BANK1: variants seen among roughly 807,000 people sequenced by gnomAD.
BANK1 encodes the protein B cell scaffold protein with ankyrin repeats 1.
BANK1 carries 95 observed loss-of-function variants against 94.5 expected under a neutral mutation model. The ratio of observed to expected loss-of-function variants is 1.00; its 90% CI spans 0.85 to 1.19. The LOEUF (loss-of-function observed/expected upper bound fraction) is 1.19. BANK1 is among the 50% of genes most tolerant of loss of function. The pLI is 0.00. For missense variants in BANK1, 987 were observed against 932.2 expected (o/e 1.06, Z -0.77); for synonymous variants, 334 against 308.4 (o/e 1.08, Z -0.87).
intron 6 of BANK1, among the ~76,000 whole-genome samples, chr4:101,907,906 G>C (rs1722512604): frequency 6.6e-6 from 1 of 152,222 alleles, no homozygotes; most frequent in East Asian, 1.9e-4. Flanking sequence ...AAATAAAAGA[G>C]GACACAAACA....
intron 12 of BANK1, among the ~76,000 whole-genome samples, chr4:102,060,610 A>G (rs1728386774): frequency 6.6e-6 from 1 of 152,202 alleles, no homozygotes; most frequent in Admixed American, 6.5e-5. Flanking sequence ...ACCAAAGCTA[A>G]TACCTAATCA....
chr4:101,870,766 C>A, intron 5 of BANK1, 122 bp downstream of exon 5: 2 of 1,158,340 alleles, frequency 1.7e-6, no homozygotes, highest in South Asian at 2.0e-5. Flanking sequence ...TACTACCAAT[C>A]AATAGGAAGG....
intron 2 of BANK1, among the ~76,000 whole-genome samples, chr4:101,836,929 C>T (rs943356923): frequency 5.9e-5 from 9 of 152,152 alleles, no homozygotes; most frequent in Non-Finnish European, 1.2e-4. Context: ...ACTGTATCTC[C>T]GTGCCCATTT....
chr4:101,834,815 T>C (rs1471202860), intron 2 of BANK1, among the ~76,000 whole-genome samples: 4 of 152,150 alleles, frequency 2.6e-5, no homozygotes, highest in African/African-American at 9.6e-5. Context: ...ATGGAAATAA[T>C]TAAATGTTCT....
At chr4:101,808,686 G>A (rs944739156) in intron 1 of BANK1, among the ~76,000 whole-genome samples, 3 of 151,950 alleles carry the variant, frequency 2.0e-5, no homozygotes, top group Admixed American at 1.3e-4. Flanking sequence ...TCAAAAAGGG[G>A]GCAAAGGACA....
At chr4:101,952,900 C>A (rs1578417643) in intron 7 of BANK1, among the ~76,000 whole-genome samples, 1 of 152,126 alleles carries the variant, frequency 6.6e-6, no homozygotes, top group East Asian at 1.9e-4. Flanking sequence ...TGAAACAAAA[C>A]CAGTAATTTT....
chr4:101,977,192 T>C (rs1725164274), intron 7 of BANK1: 1 of 152,124 alleles, frequency 6.6e-6, no homozygotes, highest in South Asian at 2.1e-4. Context: ...GGGCTTCTGC[T>C]CATCATAATC....
chr4:101,852,502 A>ATG (rs1727525613), intron 2 of BANK1, among the ~76,000 whole-genome samples: 1 of 76,348 alleles, frequency 1.3e-5, no homozygotes, highest in Non-Finnish European at 3.0e-5. Flanking sequence ...ATATATATAT[A>ATG]TACACACACA....
rs1221148323 is a variant in BANK1, at chr4:101,855,183, A to G, written c.618A>G (p.Pro206=). 26 of 1,612,746 alleles carry G rather than the reference A, an allele frequency of 1.6e-5. No individual in the cohort carries two copies. Among genetic ancestry groups the G allele is most frequent in the Non-Finnish European group, 2.1e-5 (25 of 1,179,144 alleles). ...CAGTGGTGCTTCCCACTGAAATTCC[A>G]TGTGAGGTCAGTAAAGATACCTTGT... ...PLAVVLPTEI[P]CENPGEIFII... is the part of the protein sequence containing the mutation. The change falls in exon 3 of 17, where the codon CCA becomes CCG. Residue 206 remains proline, a synonymous_variant. Coordinates refer to ENST00000322953, the MANE Select transcript of BANK1 (RefSeq NM_017935.5).
At chr4:101,887,604 A>G (rs531613872) in intron 5 of BANK1, among the ~76,000 whole-genome samples, 25 of 152,326 alleles carry the variant, frequency 1.6e-4, no homozygotes, top group African/African-American at 5.8e-4. Context: ...TTCATAGCTA[A>G]TGAGTCCTGG....
chr4:102,063,170 A>G (rs1162134660), intron 13 of BANK1, 32 bp downstream of exon 13: 4 of 1,574,298 alleles, frequency 2.5e-6, no homozygotes, highest in Admixed American at 3.4e-5. Context: ...TTCAAAAATA[A>G]TAGAGTGATT....
chr4:102,018,110 G>C, intron 7 of BANK1, among the ~76,000 whole-genome samples: 1 of 152,010 alleles, frequency 6.6e-6, no homozygotes, highest in East Asian at 1.9e-4. Flanking sequence ...TTCAAGTTTT[G>C]TTTTTGAAAA....
At position 101,870,486 on chromosome 4, in the gene BANK1, CTTGT is replaced by C. The variant is rs1728241347; in HGVS notation, c.764-12_764-9del. The C allele has an allele frequency of 6.2e-7, 1 of 1,606,354 alleles. No homozygotes were observed. Among genetic ancestry groups the C allele is most frequent in the Non-Finnish European group, 8.5e-7 (1 of 1,176,236 alleles). On this transcript the variant is annotated splice_polypyrimidine_tract_variant and intron_variant, in intron 4 of 16. Transcript: ENST00000322953. ...TGCATTATATACTCTGCCCCTAACC[CTTGT>C]TTGTTTTTCATAAGAGTTTCCTGCT...
chr4:101,894,573 G>A (rs80093384), intron 5 of BANK1, among the ~76,000 whole-genome samples: 1,800 of 152,028 alleles, frequency 0.012, 41 homozygotes, highest in African/African-American at 0.041. Context: ...TTGTTCCACA[G>A]TTCCCTCTTC....
At chr4:102,000,322 CAAAAAAAAAAAA>C (rs3974642) in intron 7 of BANK1, among the ~76,000 whole-genome samples, 2 of 66,102 alleles carry the variant, frequency 3.0e-5, no homozygotes, top group Non-Finnish European at 5.7e-5. Flanking sequence ...AACTCTGTCT[CAAAAAAAAAAAA>C]AAAAAAAAAA....
intron 7 of BANK1, among the ~76,000 whole-genome samples, chr4:101,944,966 G>A (rs1057036425): frequency 2.0e-5 from 3 of 151,910 alleles, no homozygotes; most frequent in Non-Finnish European, 4.4e-5. Context: ...CAAATGAATA[G>A]CAATAGTCAG....
At chr4:101,951,466 G>C (rs1724150614) in intron 7 of BANK1, among the ~76,000 whole-genome samples, 1 of 152,076 alleles carries the variant, frequency 6.6e-6, no homozygotes, top group Admixed American at 6.6e-5. Context: ...ACTAAAAACA[G>C]TTGCTTTAAC....
intron 12 of BANK1, among the ~76,000 whole-genome samples, chr4:102,060,735 G>A (rs1040603196): frequency 1.3e-5 from 2 of 152,130 alleles, no homozygotes; most frequent in Non-Finnish European, 2.9e-5. Flanking sequence ...TAAAAGGAAA[G>A]GGGAGTGAGA....
chr4:101,890,706 G>A (rs983828718), intron 5 of BANK1, among the ~76,000 whole-genome samples: 26 of 142,536 alleles, frequency 1.8e-4, no homozygotes, highest in African/African-American at 6.7e-4. Flanking sequence ...AATTTTCTCT[G>A]TTTTCATTTG....
Sources: gnomAD v4.1 joint callset for allele counts (sites outside exome capture counted in the v4.1 genomes callset) on GRCh38, gnomAD v4.1.1 for gene constraint, MANE v1.5 for transcripts, NCBI Gene and HGNC (gene_info 2026-07-23, HGNC 2026-07-21) for gene names.